TASP1: variants seen among roughly 807,000 people sequenced by gnomAD.
TASP1 encodes the protein taspase 1.
TASP1 carries 16 observed loss-of-function variants against 56.6 expected under a neutral mutation model. That is an observed-to-expected ratio of 0.28 (90% CI 0.19 to 0.43). TASP1 has a LOEUF of 0.43. Ranked by LOEUF, TASP1 falls within the 20% of genes least tolerant of loss-of-function variation. The pLI is 1.00. For synonymous variants in TASP1, 179 were observed against 184.2 expected, an observed-to-expected ratio of 0.97 and a Z score of 0.23; for missense variants, 393 against 511.6, an observed-to-expected ratio of 0.77 and a Z score of 2.24.
the TASP1 span, among the ~76,000 whole-genome samples, chr20:13,112,825 T>C: frequency 1.3e-5 from 2 of 152,232 alleles, no homozygotes; most frequent in Non-Finnish European, 2.9e-5. Flanking sequence ...AGTTGAGTTC[T>C]ACAGCCTTAA....
chr20:13,428,361 A>AT (rs1385223324), intron 12 of TASP1, among the ~76,000 whole-genome samples: 2 of 152,084 alleles, frequency 1.3e-5, no homozygotes, highest in African/African-American at 2.4e-5. Context: ...TAAAGAACTC[A>AT]TTTTTTTCAC....
At chr20:13,383,845 T>C in the TASP1 span, among the ~76,000 whole-genome samples, 52 of 152,344 alleles carry the variant, frequency 3.4e-4, 1 homozygote, top group African/African-American at 1.0e-3. Flanking sequence ...AAACAGTTGT[T>C]GTTTAAGCCA....
At chr20:13,249,966 T>A in the TASP1 span, among the ~76,000 whole-genome samples, 2 of 152,224 alleles carry the variant, frequency 1.3e-5, no homozygotes, top group African/African-American at 4.8e-5. Flanking sequence ...TCCAAATTGA[T>A]GAAAATCCAG....
chr20:13,214,562 C>CAGAGAGAGAGAGAGAGAGAGAGAG, the TASP1 span, among the ~76,000 whole-genome samples: 1 of 111,300 alleles, frequency 9.0e-6, no homozygotes, highest in Non-Finnish European at 2.0e-5. Context: ...CACACACACA[C>CAGAGAGAGAGAGAGAGAGAGAGAG]AGAGAGAGAG....
At chr20:13,154,219 T>C in the TASP1 span, 6 of 1,559,572 alleles carry the variant, frequency 3.8e-6, no homozygotes, top group Non-Finnish European at 5.2e-6. Flanking sequence ...CGTTAGATTA[T>C]GCATCTGGAA....
intron 10 of TASP1, among the ~76,000 whole-genome samples, chr20:13,524,704 A>G (rs1029172843): frequency 3.9e-5 from 6 of 152,072 alleles, no homozygotes; most frequent in African/African-American, 1.4e-4. Flanking sequence ...ACATTTTTAA[A>G]CTTCTGGATT....
Position 13,522,710 on chromosome 20 carries a change from T to G in TASP1, c.874+5723A>C, listed in dbSNP as rs75462812. Reference sequence around the variant, plus strand: ...CAGGTTGGAGATAAAATTGTAGGAATCATCAGCACATAGATGGTACTTAGC... The same window carrying G: ...CAGGTTGGAGATAAAATTGTAGGAAGCATCAGCACATAGATGGTACTTAGC... On this transcript the variant is annotated intron_variant, in intron 10 of 13. Coordinates refer to ENST00000337743, the MANE Select transcript of TASP1 (RefSeq NM_017714.3). Among the ~76,000 whole-genome samples the G allele has an allele frequency of 4.0e-3, 612 of 152,184 alleles. 5 individuals are homozygous for G. The highest frequency in any genetic ancestry group is 0.014 in the African/African-American group (582 of 41,538).
intron 10 of TASP1, among the ~76,000 whole-genome samples, chr20:13,495,003 G>A (rs180857460): frequency 6.6e-6 from 1 of 151,384 alleles, no homozygotes; most frequent in East Asian, 1.9e-4. Flanking sequence ...CAAATATGCA[G>A]ATGTCATGTA....
At position 13,623,476 on chromosome 20, in the gene TASP1, G is replaced by A. The variant is rs778010318; in HGVS notation, c.252C>T (p.Asp84=). Residue 84 remains aspartate, a synonymous_variant, in exon 4 of 14, where the codon GAC becomes GAT. Coordinates refer to ENST00000337743, the MANE Select transcript of TASP1 (RefSeq NM_017714.3). ...EKLQAGALAT[D]AVTAALVELE... is the part of the protein sequence containing the mutation. Reference sequence around the variant, plus strand: ...GTTCCACCAGTGCTGCAGTGACTGCGTCAGTTGCAAGAGCACCGGCCTGCA... The same window carrying A: ...GTTCCACCAGTGCTGCAGTGACTGCATCAGTTGCAAGAGCACCGGCCTGCA... 7.8e-5 allele frequency: 126 copies of A among 1,609,490 alleles called. No homozygotes were observed. In the Middle Eastern group the frequency reaches 2.8e-3, roughly 36 times the overall value.
At chr20:13,364,542 C>T in the TASP1 span, among the ~76,000 whole-genome samples, 1 of 152,082 alleles carries the variant, frequency 6.6e-6, no homozygotes, top group African/African-American at 2.4e-5. Context: ...CAAAGATAGA[C>T]AGATAGTCAA....
At chr20:13,356,519 T>C in the TASP1 span, among the ~76,000 whole-genome samples, 34 of 152,256 alleles carry the variant, frequency 2.2e-4, no homozygotes, top group African/African-American at 8.0e-4. Context: ...GTAACTTGAA[T>C]GTTGGCCCCA....
intron 10 of TASP1, among the ~76,000 whole-genome samples, chr20:13,507,969 A>C (rs1032669385): frequency 1.3e-5 from 2 of 152,180 alleles, no homozygotes; most frequent in Non-Finnish European, 2.9e-5. Context: ...AATAAAACAC[A>C]CAATGGAGAA....
the TASP1 span, among the ~76,000 whole-genome samples, chr20:13,141,638 G>A: frequency 2.0e-5 from 3 of 152,234 alleles, no homozygotes; most frequent in Non-Finnish European, 2.9e-5. Context: ...ATTGTTGACA[G>A]AGGAGCTAGC....
the TASP1 span, among the ~76,000 whole-genome samples, chr20:13,355,496 C>G: frequency 5.3e-5 from 8 of 152,324 alleles, no homozygotes; most frequent in South Asian, 2.1e-4. Flanking sequence ...TGGCTCAGCT[C>G]GCAATACTAA....
chr20:13,309,141 T>C, the TASP1 span, among the ~76,000 whole-genome samples: 1 of 152,208 alleles, frequency 6.6e-6, no homozygotes, highest in Non-Finnish European at 1.5e-5. Context: ...GGCTACATTA[T>C]ATCTGGACAC....
At chr20:13,164,394 A>C in the TASP1 span, 1 of 476,750 alleles carries the variant, frequency 2.1e-6, no homozygotes, top group South Asian at 1.5e-5. Context: ...CTTCAAATGC[A>C]TTCTGCAACC....
the TASP1 span, among the ~76,000 whole-genome samples, chr20:13,381,439 A>C: frequency 2.0e-5 from 3 of 152,186 alleles, no homozygotes; most frequent in African/African-American, 7.2e-5. Flanking sequence ...TAAGCCAGGT[A>C]CCTCAGATGG....
intron 1 of TASP1, among the ~76,000 whole-genome samples, chr20:13,633,665 T>G (rs1277721263): frequency 6.6e-6 from 1 of 152,172 alleles, no homozygotes; most frequent in African/African-American, 2.4e-5. Context: ...TTATCATATA[T>G]GTAATCATTG....
intron 13 of TASP1, among the ~76,000 whole-genome samples, chr20:13,411,431 C>G (rs1443923828): frequency 6.6e-6 from 1 of 152,086 alleles, no homozygotes; most frequent in African/African-American, 2.4e-5. Flanking sequence ...GATGTCTTTC[C>G]ATTTGTCTGT....
Sources: gnomAD v4.1 joint callset for allele counts (sites outside exome capture counted in the v4.1 genomes callset) on GRCh38, gnomAD v4.1.1 for gene constraint, MANE v1.5 for transcripts, NCBI Gene and HGNC (gene_info 2026-07-23, HGNC 2026-07-21) for gene names.